The following MYO3B variants were observed in gnomAD, a reference collection of about 807,000 sequenced individuals.
The protein encoded by MYO3B is myosin-IIIb.
A neutral mutation model predicts 174.6 loss-of-function variants in MYO3B; 156 were observed. The ratio of observed to expected loss-of-function variants is 0.89; its 90% CI spans 0.78 to 1.02. The LOEUF (loss-of-function observed/expected upper bound fraction) is 1.02, where lower values mean the gene tolerates loss of function less well. MYO3B is among the 50% of genes least tolerant of loss of function. The pLI is 0.00. For missense variants in MYO3B, 1,632 were observed against 1,639.4 expected, an observed-to-expected ratio of 1.00 and a Z score of 0.08; for synonymous variants, 563 against 569.1, an observed-to-expected ratio of 0.99 and a Z score of 0.15.
chr2:170,649,001 A>G (rs1332176173), intron 32 of MYO3B, among the ~76,000 whole-genome samples: 1 of 88,804 alleles, frequency 1.1e-5, no homozygotes, highest in Non-Finnish European at 2.0e-5. Context: ...TATAATATAT[A>G]AAATAATATA....
At chr2:170,289,954 A>G (rs1164979083) in intron 7 of MYO3B, among the ~76,000 whole-genome samples, 3 of 152,062 alleles carry the variant, frequency 2.0e-5, no homozygotes, top group African/African-American at 4.8e-5. Context: ...TCATTGACCC[A>G]TTGGTCATTC....
chr2:170,355,930 G>GTTTA (rs1041750268), intron 8 of MYO3B, among the ~76,000 whole-genome samples: 4 of 151,634 alleles, frequency 2.6e-5, no homozygotes, highest in African/African-American at 9.7e-5. Context: ...TAAGGCATCA[G>GTTTA]TTTATTTATT....
At chr2:170,627,859 T>A (rs960445530) in intron 32 of MYO3B, among the ~76,000 whole-genome samples, 1 of 152,116 alleles carries the variant, frequency 6.6e-6, no homozygotes, top group Non-Finnish European at 1.5e-5. Flanking sequence ...AGGGTGTAGA[T>A]CAGCGAATAT....
At chr2:170,193,693 G>C (rs928705646) in intron 1 of MYO3B, among the ~76,000 whole-genome samples, 8 of 151,938 alleles carry the variant, frequency 5.3e-5, no homozygotes, top group African/African-American at 1.9e-4. Flanking sequence ...GTCTTTTAGA[G>C]ATTTGATAAC....
intron 7 of MYO3B, among the ~76,000 whole-genome samples, chr2:170,238,828 T>G (rs1013957464): frequency 3.9e-5 from 6 of 152,246 alleles, no homozygotes; most frequent in Non-Finnish European, 7.3e-5. Context: ...GTGGTTGATT[T>G]GCCTGTACAT....
At chr2:170,257,646 G>T (rs116683811) in intron 7 of MYO3B, among the ~76,000 whole-genome samples, 5,065 of 152,036 alleles carry the variant, frequency 0.033, 119 homozygotes, top group South Asian at 0.1. Flanking sequence ...GAAAAATCTC[G>T]AATTAACAAT....
At chr2:170,392,741 G>A (rs1325357367) in intron 16 of MYO3B, among the ~76,000 whole-genome samples, 2 of 152,154 alleles carry the variant, frequency 1.3e-5, no homozygotes, top group African/African-American at 4.8e-5. Flanking sequence ...TCATTTTAAC[G>A]AGAAGTCCAG....
intron 1 of MYO3B, chr2:170,180,254 G>A: frequency 2.9e-6 from 1 of 344,698 alleles, no homozygotes; most frequent in East Asian, 8.8e-5. Flanking sequence ...ATTTGGGGTT[G>A]TTAAGGAACT....
chr2:170,474,465 G>A (rs1229497393), intron 25 of MYO3B, among the ~76,000 whole-genome samples: 1 of 151,850 alleles, frequency 6.6e-6, no homozygotes, highest in Non-Finnish European at 1.5e-5. Flanking sequence ...GGCTGGACAT[G>A]GTGGCTGACG....
intron 14 of MYO3B, among the ~76,000 whole-genome samples, chr2:170,389,733 G>T (rs1007031424): frequency 6.6e-6 from 1 of 152,100 alleles, no homozygotes; most frequent in African/African-American, 2.4e-5. Flanking sequence ...TCAGTGAAGG[G>T]TGCCACCATC....
chr2:170,477,403 C>T (rs890299246), intron 25 of MYO3B, among the ~76,000 whole-genome samples: 1 of 152,164 alleles, frequency 6.6e-6, no homozygotes, highest in Non-Finnish European at 1.5e-5. Context: ...CCTAACATGT[C>T]TGTCTGCCCC....
chr2:170,270,731 G>T (rs1444908946), intron 7 of MYO3B, among the ~76,000 whole-genome samples: 7 of 152,186 alleles, frequency 4.6e-5, no homozygotes, highest in African/African-American at 9.7e-5. Flanking sequence ...GTTTAGGAGA[G>T]GACGTAGCAG....
intron 7 of MYO3B, among the ~76,000 whole-genome samples, chr2:170,240,570 A>T (rs1445013433): frequency 6.6e-6 from 1 of 152,204 alleles, no homozygotes; most frequent in African/African-American, 2.4e-5. Context: ...GAAAAGTTAA[A>T]GCCCTTCCTT....
chr2:170,628,956 A>T (rs1296292619), intron 32 of MYO3B, among the ~76,000 whole-genome samples: 1 of 152,170 alleles, frequency 6.6e-6, no homozygotes, highest in African/African-American at 2.4e-5. Context: ...GCACACTTAC[A>T]TCCTATGAAA....
chr2:170,318,395 A>G (rs1452050147), intron 7 of MYO3B, among the ~76,000 whole-genome samples: 1 of 152,212 alleles, frequency 6.6e-6, no homozygotes, highest in African/African-American at 2.4e-5. Context: ...ACTAAATATT[A>G]TAGTCCTTAA....
At chr2:170,192,630 A>G (rs2092554522) in intron 1 of MYO3B, among the ~76,000 whole-genome samples, 1 of 150,964 alleles carries the variant, frequency 6.6e-6, no homozygotes, top group African/African-American at 2.4e-5. Context: ...TACCTTTTTG[A>G]ATAGAATATT....
chr2:170,502,168 A>C (rs955517219), intron 28 of MYO3B, among the ~76,000 whole-genome samples: 1 of 152,206 alleles, frequency 6.6e-6, no homozygotes, highest in Non-Finnish European at 1.5e-5. Flanking sequence ...CCACCATCAC[A>C]CAGTTCATCA....
At chr2:170,386,027 A>G (rs756894710) in intron 12 of MYO3B, 162 bp from the exon 13 acceptor site, 1 of 565,358 alleles carries the variant, frequency 1.8e-6, no homozygotes, top group Non-Finnish European at 3.2e-6. Flanking sequence ...ACAAGTAGCT[A>G]TACAAAAGGT....
At chr2:170,633,298 A>G (rs555809812) in intron 32 of MYO3B, among the ~76,000 whole-genome samples, 257 of 152,332 alleles carry the variant, frequency 1.7e-3, no homozygotes, top group African/African-American at 6.0e-3. Flanking sequence ...TCATCCCTGG[A>G]TGCAAGGCTG....
Sources: allele counts gnomAD v4.1 joint callset (sites outside exome capture counted in the v4.1 genomes callset), GRCh38; gene constraint gnomAD v4.1.1; transcripts MANE v1.5; gene names NCBI Gene and HGNC (gene_info 2026-07-23, HGNC 2026-07-21).